The following PRDM16 variants were observed in gnomAD, a reference collection of about 807,000 sequenced individuals.
PRDM16 encodes PR/SET domain 16.
A neutral mutation model predicts 110.6 loss-of-function variants in PRDM16; 23 were observed. The observed-to-expected ratio is 0.21, with a 90% CI of 0.15 to 0.29. The LOEUF is 0.29. PRDM16 is among the 10% of genes least tolerant of loss of function. The pLI is 1.00. For synonymous variants in PRDM16, 799 were observed against 781.8 expected (o/e 1.02, Z -0.37); for missense variants, 1,615 against 1,794.3 (o/e 0.90, Z 1.81).
intron 1 of PRDM16, among the ~76,000 whole-genome samples, chr1:3,178,322 C>T (rs1315965610): frequency 2.0e-5 from 3 of 152,168 alleles, no homozygotes; most frequent in African/African-American, 7.2e-5. Context: ...AAATTCTTGG[C>T]GAATCTCCCC....
At chr1:3,280,810 C>G (rs1219653536) in intron 3 of PRDM16, among the ~76,000 whole-genome samples, 1 of 152,226 alleles carries the variant, frequency 6.6e-6, no homozygotes, top group Non-Finnish European at 1.5e-5. Flanking sequence ...ACCCTGTCTC[C>G]AAGGGGTCTC....
intron 3 of PRDM16, among the ~76,000 whole-genome samples, chr1:3,260,649 AATG>A (rs1382337609): frequency 9.8e-6 from 1 of 102,226 alleles, no homozygotes; most frequent in Non-Finnish European, 2.1e-5. Context: ...TGATTATGTT[AATG>A]ATGAAGGAAA....
At chr1:3,365,389 G>A (rs929997667) in intron 3 of PRDM16, among the ~76,000 whole-genome samples, 10 of 152,246 alleles carry the variant, frequency 6.6e-5, no homozygotes, top group African/African-American at 2.2e-4. Context: ...GGCGCGTGTG[G>A]CTGGGTTTGG....
intron 16 of PRDM16, 141 bp downstream of exon 16, chr1:3,432,281 G>A: frequency 1.5e-6 from 1 of 660,870 alleles, no homozygotes. Context: ...ATCCTCCAGA[G>A]AGGCCCCAGC....
intron 1 of PRDM16, among the ~76,000 whole-genome samples, chr1:3,169,938 G>A (rs188818734): frequency 8.3e-4 from 126 of 152,390 alleles, no homozygotes; most frequent in African/African-American, 2.8e-3. Context: ...CGCGCGCTCC[G>A]AGTAATCGGG....
In PRDM16 at chr1:3,248,338, T is replaced by C. The variant is rs77001439; in HGVS notation, c.438+4201T>C. On this transcript the variant is annotated intron_variant, in intron 3 of 16. Transcript: ENST00000270722. The stretch of plus-strand genomic sequence containing the variant: ...CTTTATCGTGTTTTCCTTCCCCCTC[T>C]TGAAAAGGAAGGACGTGTTAATACA... Among the ~76,000 whole-genome samples, 541 of 152,210 alleles carry C rather than the reference T, an allele frequency of 3.6e-3. 1 individual carries two copies. Among genetic ancestry groups the C allele is most frequent in the Middle Eastern group, 0.014 (4 of 294 alleles).
At chr1:3,364,436 AAC>A (rs1642772873) in intron 3 of PRDM16, among the ~76,000 whole-genome samples, 1 of 152,176 alleles carries the variant, frequency 6.6e-6, no homozygotes, top group Admixed American at 6.5e-5. Flanking sequence ...CTCAGAGGTT[AAC>A]ACGGTGACAC....
chr1:3,113,365 G>A (rs1206826310), intron 1 of PRDM16, among the ~76,000 whole-genome samples: 1 of 152,142 alleles, frequency 6.6e-6, no homozygotes, highest in Non-Finnish European at 1.5e-5. Context: ...CTCCTTCACT[G>A]CAGGTCCCAG....
At chr1:3,349,802 G>A (rs1270258613) in intron 3 of PRDM16, among the ~76,000 whole-genome samples, 1 of 152,220 alleles carries the variant, frequency 6.6e-6, no homozygotes, top group African/African-American at 2.4e-5. Context: ...GAGCTCTGCT[G>A]GCCACGGTGC....
intron 2 of PRDM16, among the ~76,000 whole-genome samples, chr1:3,203,811 C>G (rs1309742860): frequency 6.6e-6 from 1 of 152,156 alleles, no homozygotes; most frequent in African/African-American, 2.4e-5. Flanking sequence ...GTTCTCAGGT[C>G]CTGGAGGTGA....
intron 3 of PRDM16, among the ~76,000 whole-genome samples, chr1:3,377,281 C>T (rs938383133): frequency 5.9e-5 from 9 of 152,224 alleles, no homozygotes; most frequent in East Asian, 3.9e-4. Context: ...GAGAGGGCAG[C>T]GTCCCAGGGC....
At chr1:3,309,057 G>A (rs1440497945) in intron 3 of PRDM16, 1 of 152,122 alleles carries the variant, frequency 6.6e-6, no homozygotes, top group Non-Finnish European at 1.5e-5. Context: ...CCTAGCCCCT[G>A]GTATCCCCCA....
chr1:3,070,241 C>T (rs923968862), intron 1 of PRDM16, among the ~76,000 whole-genome samples: 10 of 151,032 alleles, frequency 6.6e-5, no homozygotes, highest in South Asian at 2.1e-4. Flanking sequence ...CTCGGCCGAG[C>T]CCCGGGCTCC....
At chr1:3,105,942 C>T (rs964203563) in intron 1 of PRDM16, among the ~76,000 whole-genome samples, 9 of 101,342 alleles carry the variant, frequency 8.9e-5, no homozygotes, top group Non-Finnish European at 1.6e-4. Context: ...TAGTGTGCCC[C>T]GGGGTCCACC....
In PRDM16 at chr1:3,368,656, G is replaced by A. The variant is rs541699597; in HGVS notation, c.439-16496G>A. Among the ~76,000 whole-genome samples, 6 of 152,312 alleles carry A rather than the reference G, an allele frequency of 3.9e-5. No individual in the cohort carries two copies. In the East Asian group the frequency reaches 7.7e-4, roughly 20 times the overall value. ...CAGGATAGCAGACAGGGACCCACCC[G>A]TAAACCGTGTTGTGCTGCTTTAAAT... On this transcript the variant is annotated intron_variant, in intron 3 of 16. Transcript: ENST00000270722.
At chr1:3,127,013 C>G (rs1012421271) in intron 1 of PRDM16, among the ~76,000 whole-genome samples, 3 of 152,198 alleles carry the variant, frequency 2.0e-5, no homozygotes, top group African/African-American at 7.2e-5. Context: ...GGGTCCTGTC[C>G]TCACACTCTG....
At position 3,187,903 on chromosome 1, in the gene PRDM16, C is replaced by T. The variant is rs547546755; in HGVS notation, c.387+1429C>T. On this transcript the variant is annotated intron_variant, in intron 2 of 16. Transcript: ENST00000270722. ...CTGCGGCCGTCAAGCAGGGTGGAAG[C>T]TGCAGCTCTACGGGCAGCCCCTGTG... Among the ~76,000 whole-genome samples the T allele has an allele frequency of 3.0e-3, 464 of 152,336 alleles. 2 individuals carry two copies. The highest frequency in any genetic ancestry group is 6.8e-3 in the Middle Eastern group (2 of 294).
intron 9 of PRDM16, among the ~76,000 whole-genome samples, chr1:3,414,101 C>T (rs962123743): frequency 2.3e-4 from 35 of 152,220 alleles, no homozygotes; most frequent in African/African-American, 6.8e-4. Flanking sequence ...GAGCCACGCT[C>T]TGCTGTGAGC....
intron 2 of PRDM16, among the ~76,000 whole-genome samples, chr1:3,242,409 G>C (rs118047044): frequency 2.0e-5 from 3 of 152,106 alleles, no homozygotes; most frequent in African/African-American, 7.2e-5. Flanking sequence ...TTCTACTCTC[G>C]AGAGCTCCAG....
Sources: allele counts gnomAD v4.1 joint callset (sites outside exome capture counted in the v4.1 genomes callset), GRCh38; gene constraint gnomAD v4.1.1; transcripts MANE v1.5; gene names NCBI Gene and HGNC (gene_info 2026-07-23, HGNC 2026-07-21).